SHLD2: variants seen among roughly 807,000 people sequenced by gnomAD.
The protein encoded by SHLD2 is shieldin complex subunit 2.
SHLD2 carries 30 observed loss-of-function variants against 73.2 expected under a neutral mutation model. The ratio of observed to expected loss-of-function variants is 0.41; its 90% CI spans 0.31 to 0.56. The LOEUF is 0.56. SHLD2 is among the 20% of genes least tolerant of loss of function. The pLI, the probability that SHLD2 is intolerant of heterozygous loss-of-function variation, is 0.28. For missense variants in SHLD2, 745 were observed against 1,055.9 expected (o/e 0.71, Z 4.08); for synonymous variants, 285 against 370.1 (o/e 0.77, Z 2.64).
intron 2 of SHLD2, among the ~76,000 whole-genome samples, chr10:87,149,628 T>C (rs11202347): frequency 0.87 from 132,026 of 151,912 alleles, 58,264 homozygotes; most frequent in African/African-American, 0.97. Context: ...TAGGTTGAGA[T>C]AGGAGAATTG....
At chr10:87,129,374 A>G (rs1011789934) in intron 2 of SHLD2, among the ~76,000 whole-genome samples, 3 of 152,180 alleles carry the variant, frequency 2.0e-5, no homozygotes, top group African/African-American at 7.2e-5. Context: ...TATGGGCGTT[A>G]GCCACCGTGC....
chr10:87,181,097 T>C (rs1284070148), intron 8 of SHLD2, among the ~76,000 whole-genome samples: 2 of 151,390 alleles, frequency 1.3e-5, no homozygotes, highest in Non-Finnish European at 2.9e-5. Flanking sequence ...AGATGTATGG[T>C]AGGCTGGGTG....
At chr10:87,168,291 G>A (rs1480007285) in intron 4 of SHLD2, among the ~76,000 whole-genome samples, 3 of 152,096 alleles carry the variant, frequency 2.0e-5, no homozygotes, top group Non-Finnish European at 2.9e-5. Flanking sequence ...GGAATTCTAC[G>A]CAGCCATAAA....
chr10:87,105,776 G>T (rs1044397305), intron 2 of SHLD2, among the ~76,000 whole-genome samples: 2 of 152,200 alleles, frequency 1.3e-5, no homozygotes, highest in Non-Finnish European at 2.9e-5. Context: ...TGGAGAAACA[G>T]CAGTTTCCTC....
At chr10:87,095,874 T>C (rs1373552636) in intron 1 of SHLD2, among the ~76,000 whole-genome samples, 1 of 152,046 alleles carries the variant, frequency 6.6e-6, no homozygotes, top group African/African-American at 2.4e-5. Flanking sequence ...GAGGCTGCAG[T>C]GAGCTACGAT....
intron 2 of SHLD2, among the ~76,000 whole-genome samples, chr10:87,098,166 A>C (rs1467893626): frequency 6.6e-6 from 1 of 152,116 alleles, no homozygotes; most frequent in African/African-American, 2.4e-5. Flanking sequence ...CCATTTAGTG[A>C]ATATTTGGAG....
chr10:87,149,809 A>G lies in SHLD2; in HGVS notation c.-5-1541A>G, dbSNP rs867720465. On this transcript the variant is annotated intron_variant, in intron 2 of 9. Transcript: ENST00000298786. ...AGTGGTGTGATCATGGCTCACTGCA[A>G]TGTCCGCCTCTCAGGCTCAAGTAAT... Among the ~76,000 whole-genome samples the G allele has an allele frequency of 5.3e-5, 8 of 152,158 alleles. No homozygotes were observed. The South Asian group carries it at 8.3e-4, about 16-fold the overall frequency.
intron 2 of SHLD2, among the ~76,000 whole-genome samples, chr10:87,142,160 G>A (rs1398750051): frequency 1.3e-5 from 2 of 152,098 alleles, no homozygotes; most frequent in Non-Finnish European, 2.9e-5. Flanking sequence ...TTTAAAAGGA[G>A]AGAAGTCTTA....
intron 2 of SHLD2, among the ~76,000 whole-genome samples, chr10:87,148,735 C>G (rs1845805512): frequency 6.6e-6 from 1 of 151,158 alleles, no homozygotes. Context: ...AGAGAGAGAC[C>G]CTAACTCAAA....
intron 6 of SHLD2, among the ~76,000 whole-genome samples, chr10:87,172,430 T>C (rs774567108): frequency 8.5e-5 from 13 of 152,142 alleles, no homozygotes; most frequent in Non-Finnish European, 1.6e-4. Flanking sequence ...TTTCAGTGGA[T>C]GGGAAAACAG....
In SHLD2 at chr10:87,190,442, C is replaced by A. The variant is rs535646592; in HGVS notation, c.2516-42C>A. 4.6e-5 allele frequency: 69 copies of A among 1,510,432 alleles called. No individual in the cohort carries two copies. In the East Asian group the frequency reaches 1.5e-3, roughly 34 times the overall value. The allele number at this position is 1,510,432 out of a possible 1,614,324, so 93.6% of individuals were successfully genotyped here. A position where few individuals can be genotyped will look rare whatever the true frequency, so the allele number is the denominator to read the frequency against. On this transcript the variant is annotated intron_variant, in intron 9 of 9. Coordinates refer to ENST00000298786, the MANE Select transcript of SHLD2 (RefSeq NM_001330112.2). ...ATTCAATGTGTGTGCTCCTGTCAAGCTAGCAGCGATCTTGGGAGCTCTGTG... is the reference window on the plus strand; with the variant it reads ...ATTCAATGTGTGTGCTCCTGTCAAGATAGCAGCGATCTTGGGAGCTCTGTG...
intron 2 of SHLD2, among the ~76,000 whole-genome samples, chr10:87,124,746 G>GTTTTTT (rs201784628): frequency 7.7e-6 from 1 of 129,504 alleles, no homozygotes; most frequent in African/African-American, 2.8e-5. Context: ...TAAAAAAATT[G>GTTTTTT]TTTTTTTTTT....
chr10:87,170,724 C>T lies in SHLD2; in HGVS notation c.1828+52C>T, dbSNP rs1287987002. The T allele has an allele frequency of 1.9e-6, 3 of 1,561,274 alleles. No homozygotes were observed. The South Asian group carries it at 3.7e-5, about 19-fold the overall frequency. On this transcript the variant is annotated intron_variant, in intron 5 of 9. Transcript: ENST00000298786. ...TTTAGATTATGAAAAAATTAAGATA[C>T]AAGACCATCTTAGTGTACCATTTGG...
intron 2 of SHLD2, among the ~76,000 whole-genome samples, chr10:87,150,073 T>TTTC (rs1209031265): frequency 6.7e-6 from 1 of 149,410 alleles, no homozygotes; most frequent in Admixed American, 6.7e-5. Context: ...TTTTTTTTTT[T>TTTC]TTTTTTTTTG....
At chr10:87,115,648 C>T (rs1843208566) in intron 2 of SHLD2, 1 of 151,936 alleles carries the variant, frequency 6.6e-6, no homozygotes, top group African/African-American at 2.4e-5. Flanking sequence ...GTGGAGTGCA[C>T]AAAGATAGTT....
intron 2 of SHLD2, among the ~76,000 whole-genome samples, chr10:87,106,118 C>T (rs1345168693): frequency 6.6e-6 from 1 of 152,220 alleles, no homozygotes; most frequent in African/African-American, 2.4e-5. Flanking sequence ...ATTCTCCTGC[C>T]TCAGCCTCCC....
At chr10:87,112,761 A>G (rs1331288667) in intron 2 of SHLD2, among the ~76,000 whole-genome samples, 1 of 151,372 alleles carries the variant, frequency 6.6e-6, no homozygotes, top group Non-Finnish European at 1.5e-5. Flanking sequence ...ACTGTTGGTG[A>G]GGATGTGGAG....
intron 6 of SHLD2, among the ~76,000 whole-genome samples, chr10:87,172,229 A>T (rs1224781892): frequency 6.6e-6 from 1 of 152,194 alleles, no homozygotes; most frequent in Non-Finnish European, 1.5e-5. Flanking sequence ...AGTCTTTTTA[A>T]GATAAAAATC....
At chr10:87,174,881 C>T (rs879580595) in intron 6 of SHLD2, among the ~76,000 whole-genome samples, 8 of 151,834 alleles carry the variant, frequency 5.3e-5, no homozygotes, top group Admixed American at 2.0e-4. Flanking sequence ...TTTGGGAAAC[C>T]GAGGCGGGCG....
Sources: allele counts gnomAD v4.1 joint callset (sites outside exome capture counted in the v4.1 genomes callset), GRCh38; gene constraint gnomAD v4.1.1; transcripts MANE v1.5; gene names NCBI Gene and HGNC (gene_info 2026-07-23, HGNC 2026-07-21).